The following EFTUD2 variants were observed in gnomAD, a reference collection of about 807,000 sequenced individuals.
The protein encoded by EFTUD2 is 116 kDa U5 small nuclear ribonucleoprotein component.
In EFTUD2, 9 loss-of-function variants were observed where a neutral mutation model predicts 114.3. The observed-to-expected ratio is 0.08, with a 90% CI of 0.05 to 0.14. EFTUD2 has a LOEUF of 0.14. Ranked by LOEUF, EFTUD2 falls within the 10% of genes least tolerant of loss-of-function variation. EFTUD2 has a pLI of 1.00. For missense variants in EFTUD2, 765 were observed against 1,241.2 expected (o/e 0.62, Z 5.76); for synonymous variants, 449 against 462.3 (o/e 0.97, Z 0.37).
chr17:44,854,198 G>GC lies in EFTUD2; in HGVS notation c.2347+70dup. 6.7e-7 allele frequency: 1 copy of GC among 1,502,044 alleles called. No homozygotes were observed. Among genetic ancestry groups the GC allele is most frequent in the East Asian group, 2.3e-5 (1 of 44,026 alleles). 93.0% of individuals were successfully genotyped at this position (1,502,044 alleles called of 1,614,324 possible). A position where few individuals can be genotyped will look rare whatever the true frequency, so the allele number is the denominator to read the frequency against. On this transcript the variant is annotated intron_variant, in intron 23 of 27. Transcript: ENST00000426333. The surrounding 1 kb of genome is among the most constrained non-coding windows in gnomAD (Gnocchi z 4.3). ...TCCTGCCGAATCCTAAAGATGGTGAGCCCATCCCACTCATATGCCTGGCTG... is the reference window on the plus strand; with the variant it reads ...TCCTGCCGAATCCTAAAGATGGTGAGCCCCATCCCACTCATATGCCTGGCTG...
intron 1 of EFTUD2, 89 bp from the exon 2 acceptor site, chr17:44,894,614 G>A (rs1208127045): frequency 1.0e-6 from 1 of 984,232 alleles, no homozygotes; most frequent in Non-Finnish European, 1.6e-6. Flanking sequence ...TAGTCTTATG[G>A]TTGGCCATAC....
At chr17:44,862,569 T>C (rs1029220406) in intron 16 of EFTUD2, 144 bp downstream of exon 16, 94 of 694,956 alleles carry the variant, frequency 1.4e-4, no homozygotes, top group Admixed American at 6.2e-4. Context: ...TTGAAGTCAA[T>C]AGCCCTGCGG....
intron 20 of EFTUD2, among the ~76,000 whole-genome samples, chr17:44,856,786 A>G (rs1237328694): frequency 6.6e-6 from 1 of 152,094 alleles, no homozygotes; most frequent in Non-Finnish European, 1.5e-5. Flanking sequence ...AAAAACAAAA[A>G]GTGAGTAAGA....
chr17:44,852,427 A>G lies in EFTUD2; in HGVS notation c.2697T>C (p.Ser899=), dbSNP rs201138721. 1.0e-4 allele frequency: 164 copies of G among 1,614,120 alleles called. 1 individual carries two copies. The East Asian group carries it at 3.5e-3, about 34-fold the overall frequency. The change falls in exon 26 of 28, where the codon TCT becomes TCC. Residue 899 remains serine, a synonymous_variant. Coordinates refer to ENST00000426333, the MANE Select transcript of EFTUD2 (RefSeq NM_004247.4). The stretch of plus-strand genomic sequence containing the variant: ...TTCTCACCTGCCAGTGGTGGAAGAC[A>G]GACAGAGAAAAGGCTTGTCCCTGGG... ...THTQGQAFSL[S]VFHHWQIVPG...
intron 13 of EFTUD2, among the ~76,000 whole-genome samples, chr17:44,866,973 A>G (rs1179881548): frequency 4.6e-5 from 7 of 152,260 alleles, no homozygotes; most frequent in African/African-American, 1.7e-4. Flanking sequence ...CAGGCATGGT[A>G]GCTTGCACCT....
intron 18 of EFTUD2, chr17:44,859,508 T>G: frequency 2.0e-6 from 1 of 503,824 alleles, no homozygotes; most frequent in Non-Finnish European, 3.6e-6. Flanking sequence ...AAAGGTACAC[T>G]GGCAGGCTCA....
At chr17:44,869,108 C>T (rs2050801147) in intron 11 of EFTUD2, among the ~76,000 whole-genome samples, 1 of 152,328 alleles carries the variant, frequency 6.6e-6, no homozygotes, top group Non-Finnish European at 1.5e-5. Context: ...CATTCCCCTT[C>T]AGACTTCTCT....
At chr17:44,856,116 G>C (rs1220592137) in intron 20 of EFTUD2, among the ~76,000 whole-genome samples, 1 of 121,792 alleles carries the variant, frequency 8.2e-6, no homozygotes, top group Admixed American at 9.0e-5. Flanking sequence ...GGGTGACGAA[G>C]TGAGACCCTG....
intron 18 of EFTUD2, chr17:44,859,430 T>C: frequency 3.5e-6 from 2 of 564,818 alleles, no homozygotes; most frequent in Non-Finnish European, 6.4e-6. Context: ...CTTAATGATT[T>C]AGGTCAAACT....
chr17:44,872,014 G>A (rs2050863990), intron 11 of EFTUD2, among the ~76,000 whole-genome samples: 1 of 152,178 alleles, frequency 6.6e-6, no homozygotes, highest in Non-Finnish European at 1.5e-5. Flanking sequence ...GCAGAGGCCT[G>A]TAGATGCTGG....
chr17:44,870,413 T>C (rs2050826707), intron 11 of EFTUD2, among the ~76,000 whole-genome samples: 1 of 152,238 alleles, frequency 6.6e-6, no homozygotes, highest in South Asian at 2.1e-4. Context: ...ATAACTGATA[T>C]ATACATCTAA....
intron 12 of EFTUD2, 69 bp from the exon 13 acceptor site, chr17:44,867,966 T>C: frequency 5.6e-6 from 8 of 1,416,530 alleles, no homozygotes; most frequent in Non-Finnish European, 7.6e-6. Flanking sequence ...AGAGGCATTG[T>C]CTAAGTGCTG....
At position 44,894,538 on chromosome 17, in the gene EFTUD2, G is replaced by A; in HGVS notation, c.-4-13C>T. 1 of 1,595,954 alleles carries A rather than the reference G, an allele frequency of 6.3e-7. No individual in the cohort carries two copies. Among genetic ancestry groups the A allele is most frequent in the Non-Finnish European group, 8.6e-7 (1 of 1,164,160 alleles). ...GGTATCCATGATGCTAAAATTCAAG[G>A]AGAGAAGAGTTAGATTCTGACAAGG... On this transcript the variant is annotated splice_polypyrimidine_tract_variant and intron_variant, in intron 1 of 27. Coordinates refer to ENST00000426333, the MANE Select transcript of EFTUD2 (RefSeq NM_004247.4).
At chr17:44,886,526 A>C (rs2051175912) in intron 3 of EFTUD2, 59 bp downstream of exon 3, 1 of 1,591,890 alleles carries the variant, frequency 6.3e-7, no homozygotes, top group African/African-American at 1.3e-5. Flanking sequence ...GTTTGCTGAG[A>C]GCTATGAAGT....
intron 13 of EFTUD2, among the ~76,000 whole-genome samples, chr17:44,866,615 G>C (rs543412819): frequency 6.6e-6 from 1 of 152,238 alleles, no homozygotes; most frequent in Admixed American, 6.5e-5. Flanking sequence ...CTGGACTCAA[G>C]TGATCCTCCC....
chr17:44,868,623 A>G (rs1218519821), intron 11 of EFTUD2: 6 of 417,972 alleles, frequency 1.4e-5, no homozygotes, highest in Non-Finnish European at 2.1e-5. Flanking sequence ...GGACAAGAGC[A>G]TGGGTTACAT....
intron 27 of EFTUD2, 49 bp downstream of exon 27, chr17:44,851,661 G>A: frequency 6.7e-7 from 1 of 1,483,638 alleles, no homozygotes. Context: ...TCCTGCTTCT[G>A]AGAGTCCTGG....
At chr17:44,870,875 G>A (rs1263737044) in intron 11 of EFTUD2, among the ~76,000 whole-genome samples, 1 of 152,074 alleles carries the variant, frequency 6.6e-6, no homozygotes, top group East Asian at 2.0e-4. Context: ...AAAATTAGCT[G>A]GGCATGGTGG....
At chr17:44,871,473 G>T (rs1471075245) in intron 11 of EFTUD2, among the ~76,000 whole-genome samples, 2 of 151,922 alleles carry the variant, frequency 1.3e-5, no homozygotes, top group East Asian at 1.9e-4. Context: ...CCAGTAGCTG[G>T]GACTACACGT....
Sources: allele counts gnomAD v4.1 joint callset (sites outside exome capture counted in the v4.1 genomes callset), GRCh38; gene constraint gnomAD v4.1.1; non-coding constraint Gnocchi (gnomAD v3.1); transcripts MANE v1.5; gene names NCBI Gene and HGNC (gene_info 2026-07-23, HGNC 2026-07-21).